EIPR1: variants seen among roughly 807,000 people sequenced by gnomAD.
The protein encoded by EIPR1 is EARP and GARP complex-interacting protein 1.
Under a neutral mutation model 48.1 loss-of-function variants are expected in EIPR1, and 25 were observed. That is an observed-to-expected ratio of 0.52 (90% CI 0.38 to 0.73). The LOEUF is 0.73. EIPR1 is among the 30% of genes least tolerant of loss of function. The pLI, the probability that EIPR1 is intolerant of heterozygous loss-of-function variation, is 0.00. For synonymous variants in EIPR1, 204 were observed against 201.9 expected, an observed-to-expected ratio of 1.01 and a Z score of -0.09; for missense variants, 415 against 506.2, an observed-to-expected ratio of 0.82 and a Z score of 1.73.
rs1667622594 is a variant in EIPR1 at position 3,269,515 on chromosome 2, A to ATCG, written c.260-12061_260-12060insCGA. Among the ~76,000 whole-genome samples the ATCG allele has an allele frequency of 4.2e-3, 107 of 25,248 alleles. 2 individuals carry two copies. The highest frequency in any genetic ancestry group is 9.5e-3 in the South Asian group (4 of 420). 16.6% of individuals were successfully genotyped at this position (25,248 alleles called of 152,430 possible). On this transcript the variant is annotated intron_variant, in intron 3 of 8. Transcript: ENST00000382125. ...TCAATCATCGCACTCAATCATCATC[A>ATCG]CACTCAATCATCGCACTCAGTCATC...
At chr2:3,223,377 C>T (rs2103152365) in intron 4 of EIPR1, among the ~76,000 whole-genome samples, 1 of 152,316 alleles carries the variant, frequency 6.6e-6, no homozygotes, top group East Asian at 1.9e-4. Flanking sequence ...AACGAGCTCA[C>T]ACCTCCCACT....
At chr2:3,333,780 G>T (rs375387194) in intron 3 of EIPR1, among the ~76,000 whole-genome samples, 160 of 151,252 alleles carry the variant, frequency 1.1e-3, no homozygotes, top group African/African-American at 3.8e-3. Context: ...TCATGAAAAA[G>T]GATTTTAGGA....
intron 4 of EIPR1, among the ~76,000 whole-genome samples, chr2:3,231,918 C>T (rs759133625): frequency 1.2e-4 from 19 of 152,182 alleles, no homozygotes; most frequent in Non-Finnish European, 2.2e-4. Flanking sequence ...AACATTAATT[C>T]TTCTTAAAAT....
chr2:3,319,677 C>T, intron 3 of EIPR1: 1 of 185,090 alleles, frequency 5.4e-6, no homozygotes, highest in South Asian at 8.9e-5. Context: ...GCAAACAACA[C>T]TGCACCTGCG....
chr2:3,262,905 C>T (rs1159957633), intron 3 of EIPR1, among the ~76,000 whole-genome samples: 6 of 152,116 alleles, frequency 3.9e-5, no homozygotes, highest in African/African-American at 1.2e-4. Context: ...AAAGTAGAGA[C>T]GGTGCACACA....
chr2:3,355,825 A>G (rs2103377532), intron 1 of EIPR1, among the ~76,000 whole-genome samples: 1 of 152,138 alleles, frequency 6.6e-6, no homozygotes, highest in African/African-American at 2.4e-5. Flanking sequence ...ATAAAATAAA[A>G]TAAAATAAAA....
intron 3 of EIPR1, among the ~76,000 whole-genome samples, chr2:3,336,124 G>C (rs1471931022): frequency 6.6e-6 from 1 of 152,180 alleles, no homozygotes; most frequent in Non-Finnish European, 1.5e-5. Context: ...GAAGGGTGAA[G>C]GGGAGGGTGA....
chr2:3,376,246 G>T lies in EIPR1; in HGVS notation c.42+1402C>A, dbSNP rs917353281. On this transcript the variant is annotated intron_variant, in intron 1 of 8. Transcript: ENST00000382125. Reference sequence around the variant, plus strand: ...TTTAATTTCATAACAGCCATGAGGTGGGGGGGAGGGAGATGCATATTTTAT... The same window carrying T: ...TTTAATTTCATAACAGCCATGAGGTTGGGGGGAGGGAGATGCATATTTTAT... Among the ~76,000 whole-genome samples, 9 of 152,212 alleles carry T rather than the reference G, an allele frequency of 5.9e-5. No homozygotes were observed. In the East Asian group the frequency reaches 1.7e-3, roughly 29 times the overall value.
chr2:3,289,668 A>G (rs1014756929), intron 3 of EIPR1, among the ~76,000 whole-genome samples: 5 of 152,210 alleles, frequency 3.3e-5, no homozygotes, highest in Non-Finnish European at 5.9e-5. Flanking sequence ...AACAGCACCC[A>G]ATTCACATTT....
intron 3 of EIPR1, among the ~76,000 whole-genome samples, chr2:3,278,042 C>T (rs368325310): frequency 6.6e-6 from 1 of 152,182 alleles, no homozygotes; most frequent in Non-Finnish European, 1.5e-5. Flanking sequence ...TAGGGAACTG[C>T]CCTTCCTAAT....
chr2:3,189,275 T>A lies in EIPR1; in HGVS notation c.*59A>T. 2 of 1,451,948 alleles carry A rather than the reference T, an allele frequency of 1.4e-6. No individual in the cohort carries two copies. The highest frequency in any genetic ancestry group is 1.8e-6 in the Non-Finnish European group (2 of 1,085,944). The allele number at this position is 1,451,948 out of a possible 1,614,324, so 89.9% of individuals were successfully genotyped here. A position where few individuals can be genotyped will look rare whatever the true frequency, so the allele number is the denominator to read the frequency against. ...GTCACCTCCAAAGAGCTGCGACTGT[T>A]TGAGAATCTGCCAAGAGGAAAACCA... On this transcript the variant is annotated 3_prime_UTR_variant, in exon 9 of 9. Transcript: ENST00000382125. The surrounding 1 kb of genome is among the most constrained non-coding windows in gnomAD (Gnocchi z 4.6).
chr2:3,295,733 T>C (rs4854173), intron 3 of EIPR1, among the ~76,000 whole-genome samples: 12,399 of 59,750 alleles, frequency 0.21, 1,638 homozygotes, highest in Non-Finnish European at 0.22. Context: ...CCTCTCTACA[T>C]ACACACACCC....
intron 4 of EIPR1, among the ~76,000 whole-genome samples, chr2:3,224,293 C>G (rs1558234775): frequency 6.6e-6 from 1 of 152,230 alleles, no homozygotes. Context: ...CTACTTCCAA[C>G]AGGAAGTCAG....
chr2:3,224,184 T>G (rs1005262367), intron 4 of EIPR1, among the ~76,000 whole-genome samples: 4 of 152,180 alleles, frequency 2.6e-5, no homozygotes, highest in Non-Finnish European at 5.9e-5. Context: ...CCTGGTCCCA[T>G]CTCGGCCTGT....
intron 4 of EIPR1, among the ~76,000 whole-genome samples, chr2:3,225,718 C>T (rs931360391): frequency 6.6e-6 from 1 of 152,152 alleles, no homozygotes; most frequent in African/African-American, 2.4e-5. Flanking sequence ...CTACAGTTCT[C>T]GTGCTGTACA....
chr2:3,308,094 G>A (rs918031972), intron 3 of EIPR1, among the ~76,000 whole-genome samples: 13 of 152,312 alleles, frequency 8.5e-5, no homozygotes, highest in East Asian at 1.9e-4. Context: ...GTGTGGCCAC[G>A]GAGGCCTCAG....
intron 3 of EIPR1, among the ~76,000 whole-genome samples, chr2:3,334,094 G>C (rs1257201535): frequency 1.3e-5 from 2 of 152,214 alleles, no homozygotes; most frequent in Non-Finnish European, 2.9e-5. Context: ...GGGTCTCCAA[G>C]TACAGCAGAC....
intron 3 of EIPR1, among the ~76,000 whole-genome samples, chr2:3,263,211 C>A (rs1376588843): frequency 6.6e-6 from 1 of 152,160 alleles, no homozygotes; most frequent in Admixed American, 6.5e-5. Flanking sequence ...GGCAGGGCTC[C>A]CAGCACTGCT....
At chr2:3,288,480 G>A (rs1668273315) in intron 3 of EIPR1, among the ~76,000 whole-genome samples, 3 of 152,182 alleles carry the variant, frequency 2.0e-5, no homozygotes, top group Admixed American at 6.5e-5. Flanking sequence ...TTGCTTCTCT[G>A]ACAGGTGGCA....
Sources: gnomAD v4.1 joint callset for allele counts (sites outside exome capture counted in the v4.1 genomes callset) on GRCh38, gnomAD v4.1.1 for gene constraint, Gnocchi (gnomAD v3.1) non-coding constraint, MANE v1.5 for transcripts, NCBI Gene and HGNC (gene_info 2026-07-23, HGNC 2026-07-21) for gene names.